The following METTL4 variants were observed in gnomAD, a reference collection of about 807,000 sequenced individuals.
The protein encoded by METTL4 is methyltransferase 4, N6-adenosine.
A neutral mutation model predicts 54.0 loss-of-function variants in METTL4; 40 were observed. That is an observed-to-expected ratio of 0.74 (90% confidence interval 0.58 to 0.96). The LOEUF is 0.96. Among genes scored for constraint, METTL4 ranks in the 50% least tolerant of loss-of-function variants. The pLI is 0.00. For missense variants in METTL4, 525 were observed against 549.0 expected (o/e 0.96, Z 0.44); for synonymous variants, 169 against 183.8 (o/e 0.92, Z 0.65).
At chr18:2,544,366 G>A in intron 7 of METTL4, 80 bp from the exon 8 acceptor site, 1 of 1,018,894 alleles carries the variant, frequency 9.8e-7, no homozygotes, top group Non-Finnish European at 1.4e-6. Context: ...ATTGATTTTT[G>A]TTCTCTTTCT....
intron 1 of METTL4, among the ~76,000 whole-genome samples, chr18:2,569,323 A>G (rs1220823686): frequency 6.6e-6 from 1 of 152,208 alleles, no homozygotes; most frequent in Admixed American, 6.5e-5. Flanking sequence ...AAGTTGTGCT[A>G]TAACAAATCA....
Position 2,555,110 on chromosome 18 carries a change from C to G in METTL4, c.460-72G>C, listed in dbSNP as rs187737387. ...AGAACATTGACTGTGCTTTGAATATCTGAGTTTATAAACTGAAATCAATAT... is the reference window on the plus strand; with the variant it reads ...AGAACATTGACTGTGCTTTGAATATGTGAGTTTATAAACTGAAATCAATAT... On this transcript the variant is annotated intron_variant, in intron 3 of 8. Transcript: ENST00000574538. 36 of 1,428,172 alleles carry G rather than the reference C, an allele frequency of 2.5e-5. 1 individual carries two copies. In the African/African-American group the frequency reaches 4.3e-4, roughly 17 times the overall value. 88.5% of individuals were successfully genotyped at this position (1,428,172 alleles called of 1,614,324 possible). A position where few individuals can be genotyped will look rare whatever the true frequency, so the allele number is the denominator to read the frequency against.
intron 6 of METTL4, among the ~76,000 whole-genome samples, chr18:2,546,725 C>T (rs549732506): frequency 2.0e-4 from 31 of 152,166 alleles, no homozygotes; most frequent in African/African-American, 7.5e-4. Flanking sequence ...AAATTGATGC[C>T]TTATTTTTCT....
intron 6 of METTL4, among the ~76,000 whole-genome samples, chr18:2,545,831 TATA>T (rs1382439548): frequency 6.6e-6 from 1 of 152,110 alleles, no homozygotes; most frequent in Non-Finnish European, 1.5e-5. Context: ...TAACAATATG[TATA>T]ATTGCCTAAT....
chr18:2,567,187 C>A lies in METTL4; in HGVS notation c.30G>T (p.Gly10=), dbSNP rs760074850. 1 of 1,611,638 alleles carries A rather than the reference C, an allele frequency of 6.2e-7. No individual in the cohort carries two copies. Among genetic ancestry groups the A allele is most frequent in the South Asian group, 1.1e-5 (1 of 90,606 alleles). The change falls in exon 2 of 9, where the codon GGG becomes GGT. Residue 10 remains glycine, a synonymous_variant. Coordinates refer to ENST00000574538, the MANE Select transcript of METTL4 (RefSeq NM_022840.5). MSVVHQLSA[G]WLLDHLSFIN... is the part of the protein sequence containing the mutation. ...TAAAAGAAAGATGATCCAGTAACCACCCAGCTGACAACTGGTGTACCACAG... is the reference window on the plus strand; with the variant it reads ...TAAAAGAAAGATGATCCAGTAACCAACCAGCTGACAACTGGTGTACCACAG...
intron 3 of METTL4, among the ~76,000 whole-genome samples, chr18:2,559,604 C>A (rs1172030868): frequency 6.6e-6 from 1 of 152,022 alleles, no homozygotes; most frequent in Admixed American, 6.6e-5. Flanking sequence ...TTAAAAAAAC[C>A]ACAAATTACT....
rs1197213450 is a variant in METTL4, at chr18:2,554,773, G to C, written c.725C>G (p.Ser242Cys). Residue 242 changes from serine (S) to cysteine (C), a missense_variant, in exon 4 of 9, where the codon TCT becomes TGT. By Grantham distance (112) the Ser-to-Cys change is moderately radical. Transcript: ENST00000574538. ...DLFLRVVENN[S>C]SFTKVITLMG... Reference sequence around the variant, plus strand: ...TAAAGTAATCACTTTTGTAAAGCTAGAGTTGTTTTCAACAACTCGCAAAAA... The same window carrying C: ...TAAAGTAATCACTTTTGTAAAGCTACAGTTGTTTTCAACAACTCGCAAAAA... 4 of 1,613,788 alleles carry C rather than the reference G, an allele frequency of 2.5e-6. No homozygotes were observed. The Admixed American group carries it at 5.0e-5, about 20-fold the overall frequency.
chr18:2,560,305 C>T (rs760712772), intron 3 of METTL4, among the ~76,000 whole-genome samples: 5 of 151,884 alleles, frequency 3.3e-5, no homozygotes, highest in Admixed American at 6.6e-5. Flanking sequence ...AAGTATCCAC[C>T]ACAAAAAGCA....
chr18:2,566,515 T>C (rs1176781063), intron 2 of METTL4, among the ~76,000 whole-genome samples: 1 of 152,158 alleles, frequency 6.6e-6, no homozygotes, highest in Non-Finnish European at 1.5e-5. Context: ...AAAAGGGTTT[T>C]GGGGGAGTTT....
intron 3 of METTL4, among the ~76,000 whole-genome samples, chr18:2,559,256 C>T (rs2072280542): frequency 6.6e-6 from 1 of 152,104 alleles, no homozygotes; most frequent in Admixed American, 6.5e-5. Context: ...GTAATATTTA[C>T]ATAAAATGGA....
intron 6 of METTL4, among the ~76,000 whole-genome samples, chr18:2,547,116 G>A (rs28398158): frequency 0.069 from 10,522 of 151,998 alleles, 598 homozygotes; most frequent in African/African-American, 0.16. Context: ...ATTTTATCCT[G>A]ATATCTTCCA....
chr18:2,547,681 G>C (rs2072092524), intron 5 of METTL4, 152 bp from the exon 6 acceptor site: 1 of 515,734 alleles, frequency 1.9e-6, no homozygotes, highest in Non-Finnish European at 3.2e-6. Flanking sequence ...GTGACACCCA[G>C]TGGACATATT....
intron 8 of METTL4, chr18:2,540,834 G>A (rs755470987): frequency 4.1e-5 from 40 of 985,276 alleles, no homozygotes; most frequent in Middle Eastern, 1.0e-3. Flanking sequence ...CATTTGTTCA[G>A]ATTTTTGGTA....
intron 4 of METTL4, 135 bp downstream of exon 4, chr18:2,554,534 G>A (rs2072207957): frequency 1.3e-6 from 1 of 762,382 alleles, no homozygotes; most frequent in East Asian, 2.6e-5. Flanking sequence ...AAACCTAAGA[G>A]ACAAATAACC....
chr18:2,558,750 AAT>A (rs1317956292), intron 3 of METTL4, among the ~76,000 whole-genome samples: 2 of 152,188 alleles, frequency 1.3e-5, no homozygotes, highest in East Asian at 3.8e-4. Flanking sequence ...TAATATCCAG[AAT>A]ATACAAAGAA....
In METTL4 at chr18:2,554,762, T is replaced by C. The variant is rs935763085; in HGVS notation, c.736A>G (p.Lys246Glu). 1 of 1,613,734 alleles carries C rather than the reference T, an allele frequency of 6.2e-7. No homozygotes were observed. Among genetic ancestry groups the C allele is most frequent in the South Asian group, 1.1e-5 (1 of 91,066 alleles). Reference protein sequence around the residue: ...RVVENNSSFTKVITLMGQKYL... With the variant: ...RVVENNSSFTEVITLMGQKYL... ...TTCTGTCCCATTAAAGTAATCACTT[T>C]TGTAAAGCTAGAGTTGTTTTCAACA... Residue 246 changes from lysine to glutamate, a missense_variant, in exon 4 of 9, where the codon AAA becomes GAA. Physicochemically the swap from Lys to Glu is moderately conservative, Grantham distance 56. Transcript: ENST00000574538.
chr18:2,563,397 A>G (rs2072351743), intron 3 of METTL4, among the ~76,000 whole-genome samples: 1 of 152,140 alleles, frequency 6.6e-6, no homozygotes, highest in Admixed American at 6.5e-5. Flanking sequence ...GTTTGAGACC[A>G]GCCTGGCCAA....
intron 5 of METTL4, among the ~76,000 whole-genome samples, chr18:2,551,891 T>A (rs2072166142): frequency 6.6e-6 from 1 of 152,052 alleles, no homozygotes; most frequent in Admixed American, 6.6e-5. Flanking sequence ...ACTGAAGACA[T>A]TCATTAGAAT....
At position 2,547,000 on chromosome 18, in the gene METTL4, GGAA is replaced by G. The variant is rs538166643; in HGVS notation, c.1074+352_1074+354del. 1.2e-4 allele frequency among the ~76,000 whole-genome samples: 18 copies of G among 152,170 alleles called. No homozygotes were observed. In the South Asian group the frequency reaches 3.7e-3, roughly 32 times the overall value. On this transcript the variant is annotated intron_variant, in intron 6 of 8. Coordinates refer to ENST00000574538, the MANE Select transcript of METTL4 (RefSeq NM_022840.5). ...TGGTTGAAACTGTGAGTATATAAAG[GGAA>G]GAAGATGAAGAGTAAGACTATTTCT...
Sources: allele counts gnomAD v4.1 joint callset (sites outside exome capture counted in the v4.1 genomes callset), GRCh38; gene constraint gnomAD v4.1.1; transcripts MANE v1.5; gene names NCBI Gene and HGNC (gene_info 2026-07-23, HGNC 2026-07-21).